RNF2: variants seen among roughly 807,000 people sequenced by gnomAD.
The protein encoded by RNF2 is E3 ubiquitin-protein ligase RING2.
In RNF2, 6 loss-of-function variants were observed where a neutral mutation model predicts 37.2. That is an observed-to-expected ratio of 0.16 (90% CI 0.09 to 0.32). The LOEUF (loss-of-function observed/expected upper bound fraction) is 0.32. Ranked by LOEUF, RNF2 falls within the 10% of genes least tolerant of loss-of-function variation. The pLI is 1.00. For synonymous variants in RNF2, 133 were observed against 132.7 expected (o/e 1.00, Z -0.02); for missense variants, 251 against 404.0 (o/e 0.62, Z 3.25).
intron 1 of RNF2, among the ~76,000 whole-genome samples, chr1:185,070,731 C>T (rs984793889): frequency 3.3e-5 from 5 of 151,594 alleles, no homozygotes; most frequent in East Asian, 1.9e-4. Flanking sequence ...TTCCGCCTCC[C>T]GGGTTCACAC....
intron 1 of RNF2, among the ~76,000 whole-genome samples, chr1:185,072,588 C>G (rs575648315): frequency 1.3e-5 from 2 of 152,028 alleles, no homozygotes; most frequent in South Asian, 2.1e-4. Context: ...GAAGGACTAG[C>G]TAGTGGAAGG....
intron 1 of RNF2, among the ~76,000 whole-genome samples, chr1:185,065,115 C>T (rs933325793): frequency 6.6e-6 from 1 of 151,888 alleles, no homozygotes; most frequent in Non-Finnish European, 1.5e-5. Context: ...TCTGTAAAAA[C>T]GCACCAATCA....
intron 5 of RNF2, 144 bp downstream of exon 5, chr1:185,098,488 T>C: frequency 3.1e-6 from 3 of 977,748 alleles, no homozygotes; most frequent in Non-Finnish European, 4.4e-6. Flanking sequence ...AGATTGTTGT[T>C]TTCTTCCTTC....
intron 5 of RNF2, 74 bp from the exon 6 acceptor site, chr1:185,099,717 A>G (rs1652021637): frequency 8.3e-7 from 1 of 1,205,548 alleles, no homozygotes; most frequent in Non-Finnish European, 1.2e-6. Flanking sequence ...GAAATGTATT[A>G]GTTCCATAAT....
chr1:185,065,400 C>CT (rs1650770886), intron 1 of RNF2, among the ~76,000 whole-genome samples: 1 of 152,246 alleles, frequency 6.6e-6, no homozygotes, highest in Non-Finnish European at 1.5e-5. Context: ...TGGTCCACTT[C>CT]TATGCTGTGG....
At chr1:185,087,361 T>C (rs1651631761) in intron 1 of RNF2, among the ~76,000 whole-genome samples, 191 bp from the exon 2 acceptor site, 1 of 152,190 alleles carries the variant, frequency 6.6e-6, no homozygotes, top group Non-Finnish European at 1.5e-5. Flanking sequence ...AAGCCTCTTT[T>C]ATAAAGGCAC....
chr1:185,092,475 G>A (rs558110863), intron 3 of RNF2, among the ~76,000 whole-genome samples: 2 of 152,220 alleles, frequency 1.3e-5, no homozygotes, highest in Admixed American at 6.5e-5. Context: ...GTGCCTAGCC[G>A]AGAAATACAT....
At position 185,082,583 on chromosome 1, in the gene RNF2, G is replaced by T. The variant is rs148332291; in HGVS notation, c.-2-4969G>T. Reference sequence around the variant, plus strand: ...TTGGCCAGGTTGGTCTTGAACTCCTGACCTCAGGTAATCTACCCTCCTTGG... The same window carrying T: ...TTGGCCAGGTTGGTCTTGAACTCCTTACCTCAGGTAATCTACCCTCCTTGG... On this transcript the variant is annotated intron_variant, in intron 1 of 6. Coordinates refer to ENST00000367510, the MANE Select transcript of RNF2 (RefSeq NM_007212.4). Among the ~76,000 whole-genome samples the T allele has an allele frequency of 1.2e-3, 175 of 151,876 alleles. 4 individuals carry two copies. In the East Asian group the frequency reaches 0.029, roughly 25 times the overall value.
intron 5 of RNF2, 141 bp downstream of exon 5, chr1:185,098,485 T>C: frequency 1.0e-6 from 1 of 997,194 alleles, no homozygotes. Flanking sequence ...CCTAGATTGT[T>C]GTTTTCTTCC....
intron 1 of RNF2, among the ~76,000 whole-genome samples, chr1:185,076,308 T>TTTTTTTTTTTTTTTTTTTTTG (rs1431777673): frequency 8.8e-6 from 1 of 113,242 alleles, no homozygotes; most frequent in African/African-American, 3.6e-5. Flanking sequence ...TTTTTTTTTT[T>TTTTTTTTTTTTTTTTTTTTTG]GAGACAGAGT....
intron 1 of RNF2, chr1:185,071,472 G>A (rs1650971200): frequency 6.6e-6 from 1 of 152,202 alleles, no homozygotes. Flanking sequence ...GGGAACAAAA[G>A]GAAAGTAGTA....
At chr1:185,091,981 G>GTT (rs373704731) in intron 3 of RNF2, 2,014 of 233,082 alleles carry the variant, frequency 8.6e-3, no homozygotes, top group South Asian at 0.012. Flanking sequence ...TGGCCGGCTA[G>GTT]TTTTTTTTTT....
chr1:185,049,776 T>G (rs1297087346), intron 1 of RNF2, among the ~76,000 whole-genome samples: 1 of 152,044 alleles, frequency 6.6e-6, no homozygotes, highest in African/African-American at 2.4e-5. Flanking sequence ...TAGGTCAGCA[T>G]TGTGTGCTTG....
chr1:185,051,835 ATATG>A (rs1384945797), intron 1 of RNF2, among the ~76,000 whole-genome samples: 1 of 149,798 alleles, frequency 6.7e-6, no homozygotes, highest in African/African-American at 2.4e-5. Flanking sequence ...TTTTATGTAT[ATATG>A]TATATACATA....
intron 1 of RNF2, among the ~76,000 whole-genome samples, chr1:185,054,645 T>A (rs749703176): frequency 3.8e-4 from 58 of 152,344 alleles, no homozygotes; most frequent in Non-Finnish European, 5.4e-4. Context: ...CTTTCAAGAT[T>A]GACATGTCGC....
rs557433496 is a variant in RNF2, at chr1:185,079,594, T to C, written c.-2-7958T>C. Among the ~76,000 whole-genome samples, 5 of 152,312 alleles carry C rather than the reference T, an allele frequency of 3.3e-5. No individual in the cohort carries two copies. In the East Asian group the frequency reaches 9.6e-4, roughly 29 times the overall value. ...CCTCTCATTGGAACAGTCATTTTAT[T>C]TTATAAAATGAGATGTTGTCCAATT... is the stretch of plus-strand genomic sequence containing the variant. On this transcript the variant is annotated intron_variant, in intron 1 of 6. Coordinates refer to ENST00000367510, the MANE Select transcript of RNF2 (RefSeq NM_007212.4).
At chr1:185,057,641 T>G (rs868818107) in intron 1 of RNF2, among the ~76,000 whole-genome samples, 18 of 152,148 alleles carry the variant, frequency 1.2e-4, no homozygotes, top group African/African-American at 4.1e-4. Flanking sequence ...ATAGCCTGTT[T>G]CCCCATTTAG....
At position 185,076,285 on chromosome 1, in the gene RNF2, T is replaced by G. The variant is rs1351922412; in HGVS notation, c.-2-11267T>G. Among the ~76,000 whole-genome samples, 4 of 59,672 alleles carry G rather than the reference T, an allele frequency of 6.7e-5. 1 individual carries two copies. Among genetic ancestry groups the G allele is most frequent in the South Asian group, 1.4e-3 (2 of 1,402 alleles). The allele number at this position is 59,672 out of a possible 152,430, so 39.1% of individuals were successfully genotyped here. On this transcript the variant is annotated intron_variant, in intron 1 of 6. Coordinates refer to ENST00000367510, the MANE Select transcript of RNF2 (RefSeq NM_007212.4). ...TATGGGTTGTTTTTTTTTTTTTTTT[T>G]TTTTTTTTTTTTTTTTTTTTTTTGA...
chr1:185,067,475 A>G (rs149213325), intron 1 of RNF2, among the ~76,000 whole-genome samples: 525 of 152,318 alleles, frequency 3.4e-3, no homozygotes, highest in Non-Finnish European at 5.1e-3. Context: ...TTTGTGTAAT[A>G]TAACATAAAA....
Sources: allele counts gnomAD v4.1 joint callset (sites outside exome capture counted in the v4.1 genomes callset), GRCh38; gene constraint gnomAD v4.1.1; transcripts MANE v1.5; gene names NCBI Gene and HGNC (gene_info 2026-07-23, HGNC 2026-07-21).